The following XKR9 variants were observed in gnomAD, a reference collection of about 807,000 sequenced individuals.
XKR9 encodes the protein XK related 9, also known as XK-related protein 9.
Under a neutral mutation model 32.0 loss-of-function variants are expected in XKR9, and 32 were observed. That is an observed-to-expected ratio of 1.00 (90% CI 0.76 to 1.34). The LOEUF (loss-of-function observed/expected upper bound fraction) is 1.34. XKR9 is among the 40% of genes most tolerant of loss of function. The pLI is 0.00. For missense variants in XKR9, 546 were observed against 429.7 expected, an observed-to-expected ratio of 1.27 and a Z score of -2.39; for synonymous variants, 168 against 143.4, an observed-to-expected ratio of 1.17 and a Z score of -1.22.
the XKR9 span, among the ~76,000 whole-genome samples, chr8:71,047,692 A>G: frequency 6.6e-6 from 1 of 152,136 alleles, no homozygotes; most frequent in Non-Finnish European, 1.5e-5. Flanking sequence ...TGGGCCTGTG[A>G]GCTCCTGCAG....
the XKR9 span, among the ~76,000 whole-genome samples, chr8:70,938,396 G>A: frequency 6.6e-6 from 1 of 151,896 alleles, no homozygotes; most frequent in Non-Finnish European, 1.5e-5. Context: ...CTTTCAAGGT[G>A]GCCAGCCTCT....
chr8:70,899,687 C>T, the XKR9 span, among the ~76,000 whole-genome samples: 12,781 of 152,048 alleles, frequency 0.084, 613 homozygotes, highest in African/African-American at 0.097. Flanking sequence ...GGCTGTAGTA[C>T]GCTTGCTCCT....
intron 4 of XKR9, among the ~76,000 whole-genome samples, chr8:70,719,095 G>T (rs756475496): frequency 9.9e-5 from 15 of 151,860 alleles, no homozygotes; most frequent in African/African-American, 1.9e-4. Flanking sequence ...TCATATGTTT[G>T]TTGGCCACAT....
At chr8:70,759,507 T>G (rs1393984181) in intron 2 of XKR9, among the ~76,000 whole-genome samples, 1 of 152,250 alleles carries the variant, frequency 6.6e-6, no homozygotes, top group African/African-American at 2.4e-5. Context: ...TGTTTGACCT[T>G]GTCATTTTAA....
chr8:71,060,296 G>C, the XKR9 span, among the ~76,000 whole-genome samples: 11 of 152,158 alleles, frequency 7.2e-5, no homozygotes, highest in Non-Finnish European at 1.2e-4. Context: ...GAGCTGAATG[G>C]AACTATCTGA....
chr8:70,893,111 G>T, the XKR9 span, among the ~76,000 whole-genome samples: 1 of 151,516 alleles, frequency 6.6e-6, no homozygotes, highest in Non-Finnish European at 1.5e-5. Context: ...ATCAAATCTG[G>T]TATTGAAACT....
At chr8:70,687,364 TTC>T (rs1819331333) in intron 3 of XKR9, among the ~76,000 whole-genome samples, 1 of 144,426 alleles carries the variant, frequency 6.9e-6, no homozygotes, top group Admixed American at 7.0e-5. Flanking sequence ...CTTTCTCTCT[TTC>T]CTTTCTTTCT....
the XKR9 span, among the ~76,000 whole-genome samples, chr8:70,938,303 C>T: frequency 1.3e-5 from 2 of 151,636 alleles, no homozygotes; most frequent in Non-Finnish European, 2.9e-5. Flanking sequence ...AGCAGTCATA[C>T]TTAGTGCTCG....
At chr8:70,971,563 G>A in the XKR9 span, among the ~76,000 whole-genome samples, 1 of 152,152 alleles carries the variant, frequency 6.6e-6, no homozygotes, top group East Asian at 1.9e-4. Flanking sequence ...GTGTTTTTCT[G>A]ATGTTCTCTT....
At chr8:70,846,332 G>T in the XKR9 span, among the ~76,000 whole-genome samples, 9 of 151,958 alleles carry the variant, frequency 5.9e-5, no homozygotes, top group Non-Finnish European at 1.2e-4. Flanking sequence ...GTGAAAAGAT[G>T]ATATATACCA....
chr8:70,876,417 G>T, the XKR9 span, among the ~76,000 whole-genome samples: 5 of 152,026 alleles, frequency 3.3e-5, no homozygotes, highest in African/African-American at 1.2e-4. Context: ...TCACCATGTT[G>T]GTCAGGCTGG....
At chr8:70,739,435 T>C (rs1428615611), downstream of XKR9, among the ~76,000 whole-genome samples, 2 of 152,230 alleles carry the variant, frequency 1.3e-5, no homozygotes, top group African/African-American at 4.8e-5. Context: ...TGCCAGTCTG[T>C]GTCTTTTAAC....
the XKR9 span, among the ~76,000 whole-genome samples, chr8:70,811,468 C>CA: frequency 2.6e-5 from 4 of 151,894 alleles, no homozygotes; most frequent in African/African-American, 9.7e-5. Flanking sequence ...AATAGAGACA[C>CA]AAAAAACCAT....
chr8:70,812,731 A>G, the XKR9 span, among the ~76,000 whole-genome samples: 9 of 152,226 alleles, frequency 5.9e-5, no homozygotes, highest in Non-Finnish European at 8.8e-5. Context: ...AATCCAACTC[A>G]CAAGGGATAT....
the XKR9 span, among the ~76,000 whole-genome samples, chr8:71,054,820 A>G: frequency 6.6e-6 from 1 of 152,198 alleles, no homozygotes; most frequent in Non-Finnish European, 1.5e-5. Flanking sequence ...TAAATTAAGC[A>G]ACTCTGCGCA....
the XKR9 span, among the ~76,000 whole-genome samples, chr8:71,059,891 A>G: frequency 6.6e-6 from 1 of 152,192 alleles, no homozygotes; most frequent in Non-Finnish European, 1.5e-5. Context: ...AGTTTTCTCC[A>G]TAGATGAAAT....
chr8:70,905,017 T>C, the XKR9 span, among the ~76,000 whole-genome samples: 1 of 152,348 alleles, frequency 6.6e-6, no homozygotes, highest in African/African-American at 2.4e-5. Flanking sequence ...CTTGCCTTTG[T>C]GGGTAATTCG....
At chr8:71,048,463 A>T in the XKR9 span, among the ~76,000 whole-genome samples, 1 of 152,174 alleles carries the variant, frequency 6.6e-6, no homozygotes, top group Non-Finnish European at 1.5e-5. Context: ...AACGTCTTCT[A>T]TTAGACATAT....
chr8:70,688,178 G>A (rs1819372031), intron 3 of XKR9, among the ~76,000 whole-genome samples: 1 of 152,182 alleles, frequency 6.6e-6, no homozygotes, highest in Admixed American at 6.5e-5. Flanking sequence ...TCATTCTGTG[G>A]AAGTGGTGGT....
Sources: gnomAD v4.1 joint callset for allele counts (sites outside exome capture counted in the v4.1 genomes callset) on GRCh38, gnomAD v4.1.1 for gene constraint, MANE v1.5 for transcripts, NCBI Gene and HGNC (gene_info 2026-07-23, HGNC 2026-07-21) for gene names.